The following FAT1 variants were observed in gnomAD, a reference collection of about 807,000 sequenced individuals.
The protein encoded by FAT1 is protocadherin Fat 1.
In FAT1, 171 loss-of-function variants were observed where a neutral mutation model predicts 329.8. The ratio of observed to expected loss-of-function variants is 0.52; its 90% confidence interval spans 0.46 to 0.59. The LOEUF is 0.59. FAT1 is among the 20% of genes least tolerant of loss of function. The pLI is 0.00. For missense variants in FAT1, 5,672 were observed against 5,774.4 expected, an observed-to-expected ratio of 0.98 and a Z score of 0.57; for synonymous variants, 2,233 against 2,228.6, an observed-to-expected ratio of 1.00 and a Z score of -0.06.
chr4:186,613,404 T>C, intron 12 of FAT1, 62 bp from the exon 13 acceptor site: 1 of 1,240,018 alleles, frequency 8.1e-7, no homozygotes, highest in Non-Finnish European at 1.2e-6. Context: ...TTGTACATCT[T>C]ATTTCCTCCC....
At chr4:186,724,002 G>A (rs1175671297), upstream of FAT1, 1 of 151,160 alleles carries the variant, frequency 6.6e-6, no homozygotes, top group Non-Finnish European at 1.5e-5. This position sits in a 1 kb window ranked among gnomAD's most constrained non-coding sequence, Gnocchi z 5.3. Flanking sequence ...GACCCAAAGA[G>A]CCCCAGTCCC....
Position 186,606,057 on chromosome 4 carries a change from A to C in FAT1, c.10350+13T>G, listed in dbSNP as rs2126446842. ...CAAAGAACCCCAGGACCACCTTGGC[A>C]CTCGAAGCCCACCTGGATAATGACA... is the stretch of plus-strand genomic sequence containing the variant. On this transcript the variant is annotated intron_variant, in intron 17 of 26. Transcript: ENST00000441802. 1 of 1,611,596 alleles carries C rather than the reference A, an allele frequency of 6.2e-7. No homozygotes were observed. The highest frequency in any genetic ancestry group is 8.5e-7 in the Non-Finnish European group (1 of 1,179,146).
At chr4:186,610,658 T>C (rs1739383290) in intron 14 of FAT1, among the ~76,000 whole-genome samples, 1 of 85,764 alleles carries the variant, frequency 1.2e-5, no homozygotes, top group African/African-American at 4.0e-5. Context: ...TATATAAATA[T>C]AAATTATATA....
Position 186,597,782 on chromosome 4 carries a change from T to C in FAT1, c.12268A>G (p.Ser4090Gly). The change falls in exon 24 of 27, where the codon AGT (serine) becomes GGT (glycine). Residue 4090 changes from serine to glycine, a missense_variant. Ser to Gly is a moderately conservative substitution (Grantham distance 56). Around this residue, in one of 2 missense-constraint regions of FAT1, gnomAD observed 1,706 missense variants for 1,859.1 expected, o/e 0.92. Transcript: ENST00000441802. The stretch of plus-strand genomic sequence containing the variant: ...CAGGGTTCATCTTTGCAGTATGGAC[T>C]AAGCTGACACCTGAAGAGTAAGGAG... ...GLYTGQRCQL[S>G]PYCKDEPCKN... The C allele has an allele frequency of 6.2e-7, 1 of 1,613,244 alleles. No individual in the cohort carries two copies. Among genetic ancestry groups the C allele is most frequent in the Non-Finnish European group, 8.5e-7 (1 of 1,179,252 alleles).
In FAT1 at chr4:186,602,136, AT is replaced by A. The variant is rs1383577389; in HGVS notation, c.11483-711del. Reference sequence around the variant, plus strand: ...CAGAGAAATGCAAATTAAAATAATAATTAGATATCACTTCACACCCATAAAA... The same window carrying A: ...CAGAGAAATGCAAATTAAAATAATAATAGATATCACTTCACACCCATAAAA... On this transcript the variant is annotated intron_variant, in intron 20 of 26. Coordinates refer to ENST00000441802, the MANE Select transcript of FAT1 (RefSeq NM_005245.4). Among the ~76,000 whole-genome samples the A allele has an allele frequency of 5.3e-5, 8 of 152,344 alleles. No homozygotes were observed. In the East Asian group the frequency reaches 1.5e-3, roughly 29 times the overall value.
intron 18 of FAT1, 120 bp from the exon 19 acceptor site, chr4:186,604,097 C>G (rs1056608523): frequency 7.7e-6 from 6 of 776,850 alleles, no homozygotes; most frequent in Non-Finnish European, 1.2e-5. Context: ...ACTCATTTCT[C>G]CACACAAGAA....
chr4:186,620,983 T>C lies in FAT1; in HGVS notation c.5603A>G (p.His1868Arg), dbSNP rs1001973388. 6.2e-7 allele frequency: 1 copy of C among 1,613,368 alleles called. No homozygotes were observed. ...GGGGCAGTCATTAATGTCAATTACATGTACTGTTACATTCGCTGCATACTC... is the reference window on the plus strand; with the variant it reads ...GGGGCAGTCATTAATGTCAATTACACGTACTGTTACATTCGCTGCATACTC... ...FAEYAANVTV[H>R]VIDINDCPPV... is the part of the protein sequence containing the mutation. Residue 1868 changes from histidine (H) to arginine (R), a missense_variant, in exon 10 of 27, where the codon CAT becomes CGT. By Grantham distance (29) the His-to-Arg change is conservative. Around this residue, in one of 2 missense-constraint regions of FAT1, gnomAD observed 3,966 missense variants for 3,915.2 expected, o/e 1.01. Transcript: ENST00000441802.
chr4:186,663,711 T>C, intron 2 of FAT1, 98 bp from the exon 3 acceptor site: 1 of 896,152 alleles, frequency 1.1e-6, no homozygotes, highest in Non-Finnish European at 1.7e-6. Flanking sequence ...GAGCTTTATA[T>C]GTCTCTTACT....
chr4:186,617,036 T>C lies in FAT1; in HGVS notation c.9044A>G (p.Asp3015Gly). ...SKAIVEVKVLDANDNSPVCEK... is the reference protein window; with the variant it reads ...SKAIVEVKVLGANDNSPVCEK... ...ACAAACTGGACTGTTGTCATTTGCATCCAGAACTTTCACTTCAACTATCGC... is the reference window on the plus strand; with the variant it reads ...ACAAACTGGACTGTTGTCATTTGCACCCAGAACTTTCACTTCAACTATCGC... Residue 3015 changes from aspartate (D) to glycine (G), a missense_variant, in exon 11 of 27, where the codon GAT (aspartate) becomes GGT (glycine). Around this residue, in one of 2 missense-constraint regions of FAT1, gnomAD observed 3,966 missense variants for 3,915.2 expected, o/e 1.01. Coordinates refer to ENST00000441802, the MANE Select transcript of FAT1 (RefSeq NM_005245.4). The C allele has an allele frequency of 6.2e-7, 1 of 1,613,822 alleles. No individual in the cohort carries two copies. Among genetic ancestry groups the C allele is most frequent in the Non-Finnish European group, 8.5e-7 (1 of 1,179,830 alleles).
At chr4:186,627,483 G>A (rs1740369367) in intron 9 of FAT1, among the ~76,000 whole-genome samples, 1 of 152,110 alleles carries the variant, frequency 6.6e-6, no homozygotes, top group South Asian at 2.1e-4. Context: ...GGATCTCTTG[G>A]CCTCTGGGTC....
Position 186,614,174 on chromosome 4 carries a change from C to T in FAT1, c.9229+17G>A. 6.3e-7 allele frequency: 1 copy of T among 1,580,406 alleles called. No individual in the cohort carries two copies. The highest frequency in any genetic ancestry group is 1.2e-5 in the South Asian group (1 of 83,648). ...GTTGGAATATACAATTTATTTTGTC[C>T]CAAACTCCATCATTACCTGTGTCTG... On this transcript the variant is annotated intron_variant, in intron 12 of 26. Coordinates refer to ENST00000441802, the MANE Select transcript of FAT1 (RefSeq NM_005245.4).
chr4:186,703,350 G>A (rs1196994723), intron 2 of FAT1, among the ~76,000 whole-genome samples: 1 of 152,142 alleles, frequency 6.6e-6, no homozygotes, highest in Non-Finnish European at 1.5e-5. Flanking sequence ...ACGTTTCAGA[G>A]GATGTTTCCA....
At position 186,611,752 on chromosome 4, in the gene FAT1, A is replaced by G; in HGVS notation, c.9487T>C (p.Ser3163Pro). 1 of 1,577,988 alleles carries G rather than the reference A, an allele frequency of 6.3e-7. No homozygotes were observed. Among genetic ancestry groups the G allele is most frequent in the Non-Finnish European group, 8.6e-7 (1 of 1,160,844 alleles). The change falls in exon 14 of 27, where the codon TCA becomes CCA. Residue 3163 changes from serine to proline, a missense_variant. Transcript: ENST00000441802. ...TGCCCATCAGCAGAGTCAATCAGTG[A>G]GTATAAAATCTTCCGATTTAATCCT... The part of the protein sequence containing the change: ...DAGLNRKILY[S>P]LIDSADGQFS...
At position 186,588,660 on chromosome 4, in the gene FAT1, C is replaced by G. The variant is rs765280609; in HGVS notation, c.13699G>C (p.Gly4567Arg). The part of the protein sequence containing the change: ...SEVMMSDYES[G>R]DDGHFEEVTI... ...ACCTCTTCGAAGTGGCCGTCGTCCC[C>G]GCTCTCATAGTCACTCATCATGACC... is the stretch of plus-strand genomic sequence containing the variant. The change falls in exon 27 of 27, where the codon GGG becomes CGG. Residue 4567 changes from glycine to arginine, a missense_variant. Around this residue, in one of 2 missense-constraint regions of FAT1, gnomAD observed 1,706 missense variants for 1,859.1 expected, o/e 0.92. Transcript: ENST00000441802. The G allele has an allele frequency of 6.2e-7, 1 of 1,613,968 alleles. No individual in the cohort carries two copies.
At chr4:186,636,527 A>C in intron 5 of FAT1, 58 bp downstream of exon 5, 1 of 1,482,188 alleles carries the variant, frequency 6.7e-7, no homozygotes, top group South Asian at 1.4e-5. Flanking sequence ...GAAAAAATAC[A>C]AAATAAGGTT....
In FAT1 at chr4:186,636,886, G is replaced by A. The variant is rs746739063; in HGVS notation, c.3671C>T (p.Pro1224Leu). Residue 1224 changes from proline (P) to leucine (L), a missense_variant, in exon 5 of 27, where the codon CCC (proline) becomes CTC (leucine). Around this residue, in one of 2 missense-constraint regions of FAT1, gnomAD observed 3,966 missense variants for 3,915.2 expected, o/e 1.01. Coordinates refer to ENST00000441802, the MANE Select transcript of FAT1 (RefSeq NM_005245.4). ...EVTVTDNGSP[P>L]KSTIARVIVK... ...AATGACTCTTGCAATGGTTGATTTG[G>A]GGGGACTACCATTGTCTGTCACAGT... 2 of 1,612,666 alleles carry A rather than the reference G, an allele frequency of 1.2e-6. No individual in the cohort carries two copies. Among genetic ancestry groups the A allele is most frequent in the Admixed American group, 1.7e-5 (1 of 59,788 alleles).
rs773484405 is a variant in FAT1, at chr4:186,604,367, C to CCATT, written c.10548+6_10548+9dup. ...ATCCACAACCAAACCACAAAGAAAG[C>CCATT]CATTCATACCTTCACCTGCAGTAAG... is the stretch of plus-strand genomic sequence containing the variant. On this transcript the variant is annotated intron_variant, in intron 18 of 26. Coordinates refer to ENST00000441802, the MANE Select transcript of FAT1 (RefSeq NM_005245.4). The CCATT allele has an allele frequency of 4.4e-6, 7 of 1,604,304 alleles. No individual in the cohort carries two copies. The African/African-American group carries it at 8.0e-5, about 18-fold the overall frequency.
chr4:186,624,632 C>T (rs1740211900), intron 9 of FAT1, among the ~76,000 whole-genome samples: 4 of 152,180 alleles, frequency 2.6e-5, no homozygotes, highest in African/African-American at 9.7e-5. Context: ...TTAATTAACT[C>T]CTTTTTCCCT....
intron 2 of FAT1, among the ~76,000 whole-genome samples, chr4:186,705,891 C>T (rs1184772132): frequency 2.0e-5 from 3 of 152,254 alleles, no homozygotes; most frequent in South Asian, 2.1e-4. Context: ...TTAAACCTTC[C>T]GGTATTTCTA....
Sources: gnomAD v4.1 joint callset for allele counts (sites outside exome capture counted in the v4.1 genomes callset) on GRCh38, gnomAD v4.1.1 for gene constraint, gnomAD v4.1.1 regional missense constraint, Gnocchi (gnomAD v3.1) non-coding constraint, MANE v1.5 for transcripts, NCBI Gene and HGNC (gene_info 2026-07-23, HGNC 2026-07-21) for gene names.